C2CD3: variants seen among roughly 807,000 people sequenced by gnomAD.
The protein encoded by C2CD3 is C2 domain containing 3 centriole elongation regulator.
C2CD3 carries 148 observed loss-of-function variants against 234.0 expected under a neutral mutation model. That is an observed-to-expected ratio of 0.63 (90% CI 0.55 to 0.72). The LOEUF is 0.72. C2CD3 is among the 30% of genes least tolerant of loss of function. C2CD3 has a pLI of 0.00. For synonymous variants in C2CD3, 1,000 were observed against 1,035.4 expected (o/e 0.97, Z 0.66); for missense variants, 2,577 against 2,811.5 (o/e 0.92, Z 1.89).
chr11:74,042,391 A>C (rs1953109898), intron 28 of C2CD3, among the ~76,000 whole-genome samples, 173 bp from the exon 29 acceptor site: 1 of 152,078 alleles, frequency 6.6e-6, no homozygotes. Context: ...TCTCCAAAAT[A>C]ATCCTGTCTT....
chr11:74,041,956 G>A (rs1380594094), intron 29 of C2CD3, 98 bp downstream of exon 29: 70 of 1,191,280 alleles, frequency 5.9e-5, no homozygotes, highest in East Asian at 5.0e-4. Flanking sequence ...TTCCTAGGGC[G>A]GTGGCAGGTG....
intron 3 of C2CD3, among the ~76,000 whole-genome samples, chr11:74,147,453 C>T (rs1297462460): frequency 6.6e-6 from 1 of 152,062 alleles, no homozygotes; most frequent in South Asian, 2.1e-4. Flanking sequence ...ACGACAACAC[C>T]CCTGAAAAAC....
rs1957955912 is a variant in C2CD3 at position 74,138,929 on chromosome 11, G to A, written c.746C>T (p.Thr249Ile). The change falls in exon 5 of 33, where the codon ACA (threonine) becomes ATA (isoleucine). Residue 249 changes from threonine (T) to isoleucine (I), a missense_variant. Coordinates refer to ENST00000334126, the MANE Select transcript of C2CD3 (RefSeq NM_001286577.2). ...DHVCFAENPDTIKDSSFGLQH... is the reference protein window; with the variant it reads ...DHVCFAENPDIIKDSSFGLQH... ...TAGTCCAAAGGAAGAATCCTTTATTGTATCAGGGTTCTCTGCAAAGCATAC... is the reference window on the plus strand; with the variant it reads ...TAGTCCAAAGGAAGAATCCTTTATTATATCAGGGTTCTCTGCAAAGCATAC... 6.8e-6 allele frequency: 11 copies of A among 1,610,586 alleles called. No homozygotes were observed. In the East Asian group the frequency reaches 8.9e-5, roughly 13 times the overall value.
At position 74,078,347 on chromosome 11, in the gene C2CD3, A is replaced by G; in HGVS notation, c.4371T>C (p.Ser1457=). ...FWTPLKKPKE[S]VNKKQIMVTF... is the part of the protein sequence containing the mutation. The stretch of plus-strand genomic sequence containing the variant: ...TGACCATAATCTGCTTTTTGTTTAC[A>G]GATTCCTTAGGCTTCTTGAGAGGGG... The change falls in exon 23 of 33, where the codon TCT becomes TCC. Residue 1457 remains serine, a synonymous_variant. Transcript: ENST00000334126. 6.2e-7 allele frequency: 1 copy of G among 1,614,192 alleles called. No homozygotes were observed. The highest frequency in any genetic ancestry group is 1.1e-5 in the South Asian group (1 of 91,084).
At chr11:74,146,047 G>C (rs1486440239) in intron 3 of C2CD3, among the ~76,000 whole-genome samples, 1 of 152,132 alleles carries the variant, frequency 6.6e-6, no homozygotes, top group African/African-American at 2.4e-5. Context: ...ACAAACTCTA[G>C]TAAGAATTAT....
At chr11:74,100,779 C>T (rs1956286536) in intron 14 of C2CD3, 103 bp from the exon 15 acceptor site, 3 of 968,644 alleles carry the variant, frequency 3.1e-6, no homozygotes, top group Non-Finnish European at 4.6e-6. Context: ...CTATTGTTAA[C>T]ACACAGTGTT....
chr11:74,064,779 C>T (rs1011388402), intron 24 of C2CD3, among the ~76,000 whole-genome samples: 5 of 152,262 alleles, frequency 3.3e-5, no homozygotes, highest in Admixed American at 1.3e-4. Context: ...ACATCTACAA[C>T]CATCTGATCT....
rs548652507 is a variant in C2CD3, at chr11:74,069,990, G to A, written c.4951+4263C>T. 2.6e-5 allele frequency among the ~76,000 whole-genome samples: 4 copies of A among 152,228 alleles called. No homozygotes were observed. The South Asian group carries it at 6.2e-4, about 24-fold the overall frequency. ...TGCTAAAAGCACATGGGAACCCAGA[G>A]GTGTCCTGAACTCTGCCTTGATGGG... is the stretch of plus-strand genomic sequence containing the variant. On this transcript the variant is annotated intron_variant, in intron 24 of 32. Transcript: ENST00000334126.
chr11:74,097,552 T>G (rs1451317152), intron 16 of C2CD3, among the ~76,000 whole-genome samples: 5 of 152,184 alleles, frequency 3.3e-5, no homozygotes, highest in Non-Finnish European at 7.3e-5. Flanking sequence ...GAAATAAACA[T>G]GAGAATGTAT....
At chr11:74,060,981 A>G (rs1954210051) in intron 24 of C2CD3, among the ~76,000 whole-genome samples, 1 of 152,248 alleles carries the variant, frequency 6.6e-6, no homozygotes, top group African/African-American at 2.4e-5. Context: ...TGATGTGTGC[A>G]CAACCTTCAG....
chr11:74,050,722 T>C (rs1465658173), intron 26 of C2CD3, among the ~76,000 whole-genome samples: 2 of 151,934 alleles, frequency 1.3e-5, no homozygotes, highest in African/African-American at 4.9e-5. Flanking sequence ...TTTGGACAGC[T>C]TGCTGTCCTT....
At chr11:74,044,235 A>C (rs1953236246) in intron 28 of C2CD3, among the ~76,000 whole-genome samples, 1 of 152,106 alleles carries the variant, frequency 6.6e-6, no homozygotes, top group Admixed American at 6.5e-5. Context: ...AGGCAGGTGG[A>C]TCACAAGGTC....
Position 74,114,449 on chromosome 11 carries a change from A to T in C2CD3, c.1665T>A (p.Pro555=). 6.2e-7 allele frequency: 1 copy of T among 1,614,062 alleles called. No homozygotes were observed. The highest frequency in any genetic ancestry group is 8.5e-7 in the Non-Finnish European group (1 of 1,179,984). Residue 555 remains proline (P), a synonymous_variant, in exon 10 of 33, where the codon CCT becomes CCA. Coordinates refer to ENST00000334126, the MANE Select transcript of C2CD3 (RefSeq NM_001286577.2). ...IETMGVPPDS[P]QMTPGKKSYA... is the part of the protein sequence containing the mutation. ...AGCTTTTTTTGCCAGGGGTCATCTG[A>T]GGACTATCTGGAGGAACTCCCATGG...
chr11:74,123,088 G>A lies in C2CD3; in HGVS notation c.1265C>T (p.Pro422Leu). ...GNFWDGLGSP[P>L]DSPSPGSDVY... The stretch of plus-strand genomic sequence containing the variant: ...ATCACTCCCAGGAGATGGGGAATCT[G>A]GAGGAGAGCCTAGCCCATCCCAGAA... Residue 422 changes from proline (P) to leucine (L), a missense_variant, in exon 8 of 33, where the codon CCA (proline) becomes CTA (leucine). Physicochemically the swap from Pro to Leu is moderately conservative, Grantham distance 98. Coordinates refer to ENST00000334126, the MANE Select transcript of C2CD3 (RefSeq NM_001286577.2). 6.2e-7 allele frequency: 1 copy of A among 1,612,622 alleles called. No homozygotes were observed. The highest frequency in any genetic ancestry group is 8.5e-7 in the Non-Finnish European group (1 of 1,178,634).
intron 12 of C2CD3, among the ~76,000 whole-genome samples, chr11:74,107,184 G>A (rs1956556474): frequency 6.6e-6 from 1 of 152,114 alleles, no homozygotes; most frequent in Admixed American, 6.5e-5. Context: ...AATTAGCTGG[G>A]CATGGTGGCG....
intron 3 of C2CD3, among the ~76,000 whole-genome samples, chr11:74,148,401 A>G (rs1855358492): frequency 6.6e-6 from 1 of 151,584 alleles, no homozygotes; most frequent in Admixed American, 6.6e-5. Context: ...TAAATATCTT[A>G]TATATGTATA....
Position 74,098,010 on chromosome 11 carries a change from A to T in C2CD3, c.2978T>A (p.Met993Lys), listed in dbSNP as rs374132288. 3.1e-6 allele frequency: 5 copies of T among 1,613,602 alleles called. No individual in the cohort carries two copies. The African/African-American group carries it at 6.7e-5, about 22-fold the overall frequency. The change falls in exon 16 of 33, where the codon ATG becomes AAG. Residue 993 changes from methionine to lysine, a missense_variant and splice_region_variant. Transcript: ENST00000334126. ...TTTGTAAACCATAGCGTTTATTACC[A>T]TAGCAACAGATGCTGCAGTTGGCTG... The part of the protein sequence containing the change: ...LDQPTAASVA[M>K]AEDRGNGLME...
Position 74,013,456 on chromosome 11 carries a change from G to A in C2CD3, c.6991C>T (p.Leu2331Phe), listed in dbSNP as rs534735031. 2.1e-6 allele frequency: 3 copies of A among 1,432,954 alleles called. No individual in the cohort carries two copies. The highest frequency in any genetic ancestry group is 2.9e-5 in the East Asian group (1 of 34,836). The allele number at this position is 1,432,954 out of a possible 1,614,324, so 88.8% of individuals were successfully genotyped here. A position where few individuals can be genotyped will look rare whatever the true frequency, so the allele number is the denominator to read the frequency against. ...PCRPRPNSLP[L>F]NLPEEETLRI... Reference sequence around the variant, plus strand: ...AGAGTTTCTTCCTCAGGCAGGTTGAGGGGGAGCGAGTTAGGTCTGGGGCGA... The same window carrying A: ...AGAGTTTCTTCCTCAGGCAGGTTGAAGGGGAGCGAGTTAGGTCTGGGGCGA... The change falls in exon 33 of 33, where the codon CTC (leucine) becomes TTC (phenylalanine). Residue 2331 changes from leucine to phenylalanine, a missense_variant. Transcript: ENST00000334126.
chr11:74,142,309 C>T (rs1854859852), intron 3 of C2CD3: 1 of 152,234 alleles, frequency 6.6e-6, no homozygotes, highest in Admixed American at 6.6e-5. Context: ...ATTATGATTC[C>T]ATGAAAGATT....
Sources: allele counts gnomAD v4.1 joint callset (sites outside exome capture counted in the v4.1 genomes callset), GRCh38; gene constraint gnomAD v4.1.1; transcripts MANE v1.5; gene names NCBI Gene and HGNC (gene_info 2026-07-23, HGNC 2026-07-21).